Variants in KIF1A observed in about 807,000 individuals in gnomAD.
The protein encoded by KIF1A is kinesin family member 1A, also known as kinesin-like protein KIF1A.
A neutral mutation model predicts 227.3 loss-of-function variants in KIF1A; 46 were observed. That is an observed-to-expected ratio of 0.20 (90% CI 0.16 to 0.26). The LOEUF (loss-of-function observed/expected upper bound fraction) is 0.26. Ranked by LOEUF, KIF1A falls within the 10% of genes least tolerant of loss-of-function variation. The pLI, the probability that KIF1A is intolerant of heterozygous loss-of-function variation, is 1.00. For missense variants in KIF1A, 1,683 were observed against 2,485.9 expected, an observed-to-expected ratio of 0.68 and a Z score of 6.87; for synonymous variants, 1,022 against 1,012.8, an observed-to-expected ratio of 1.01 and a Z score of -0.17.
intron 5 of KIF1A, 80 bp downstream of exon 5, chr2:240,787,171 C>T (rs956311993): frequency 1.7e-6 from 2 of 1,181,734 alleles, no homozygotes; most frequent in East Asian, 2.3e-5. Flanking sequence ...TGGGCACTCA[C>T]TTTGCATCAG....
intron 4 of KIF1A, 53 bp from the exon 5 acceptor site, chr2:240,787,369 T>C: frequency 6.6e-7 from 1 of 1,510,196 alleles, no homozygotes; most frequent in East Asian, 2.3e-5. Context: ...GCTCCCTGGA[T>C]CCCTGCCCCT....
At chr2:240,782,556 C>G (rs1170651927) in intron 10 of KIF1A, 34 bp downstream of exon 10, 3 of 1,550,066 alleles carry the variant, frequency 1.9e-6, no homozygotes, top group East Asian at 2.4e-5. Flanking sequence ...ACCAGCCTCC[C>G]GCACCTGCCC....
rs200809257 is a variant in KIF1A, at chr2:240,769,608, C to T, written c.1421+19G>A. Reference sequence around the variant, plus strand: ...TGGCTGCACCCCTCCCCCTGGGCCTCAGTTTCCCCGCTGCACACCTCTCCA... The same window carrying T: ...TGGCTGCACCCCTCCCCCTGGGCCTTAGTTTCCCCGCTGCACACCTCTCCA... On this transcript the variant is annotated intron_variant, in intron 16 of 48. Transcript: ENST00000498729. 893 of 1,607,838 alleles carry T rather than the reference C, an allele frequency of 5.6e-4. 2 individuals carry two copies. In the African/African-American group the frequency reaches 6.8e-3, roughly 12 times the overall value.
rs115965817 is a variant in KIF1A at position 240,727,794 on chromosome 2, C to T, written c.4008-854G>A. On this transcript the variant is annotated intron_variant, in intron 38 of 48. Coordinates refer to ENST00000498729, the MANE Select transcript of KIF1A (RefSeq NM_001244008.2). ...CCACGTTCCGCAAACACCTTGGGTG[C>T]CCTCTGCTCCGGAACAGGGTTTTCT... Among the ~76,000 whole-genome samples the T allele has an allele frequency of 8.9e-3, 1,359 of 152,326 alleles. 8 individuals carry two copies. The highest frequency in any genetic ancestry group is 0.016 in the Non-Finnish European group (1,056 of 68,024).
chr2:240,725,450 G>A lies in KIF1A; in HGVS notation c.4123-46C>T, dbSNP rs773878674. ...ACTCAGGCACAAGGACACCCCGAGT[G>A]CCCAGGTGCCCTTCCAGCCTTCTCC... On this transcript the variant is annotated intron_variant, in intron 39 of 48. Coordinates refer to ENST00000498729, the MANE Select transcript of KIF1A (RefSeq NM_001244008.2). The surrounding 1 kb of genome is among the most constrained non-coding windows in gnomAD (Gnocchi z 5.8). 6 of 1,599,050 alleles carry A rather than the reference G, an allele frequency of 3.8e-6. No homozygotes were observed. The Admixed American group carries it at 1.0e-4, about 27-fold the overall frequency.
rs2054951790 is a variant in KIF1A at position 240,786,795 on chromosome 2, T to TA, written c.430-283_430-282insT. On this transcript the variant is annotated intron_variant, in intron 5 of 48. Transcript: ENST00000498729. Reference sequence around the variant, plus strand: ...CCATCAGGACCCCTGAGTGAGGGGGTGGGGGCTGCCATCAGGACCCCTGAG... The same window carrying TA: ...CCATCAGGACCCCTGAGTGAGGGGGTAGGGGGCTGCCATCAGGACCCCTGAG... 1.4e-5 allele frequency among the ~76,000 whole-genome samples: 2 copies of TA among 141,284 alleles called. 1 individual carries two copies. Among genetic ancestry groups the TA allele is most frequent in the Non-Finnish European group, 3.1e-5 (2 of 64,660 alleles). The allele number at this position is 141,284 out of a possible 152,430, so 92.7% of individuals were successfully genotyped here.
intron 35 of KIF1A, 54 bp downstream of exon 35, chr2:240,741,215 C>A: frequency 7.9e-7 from 1 of 1,261,412 alleles, no homozygotes; most frequent in Non-Finnish European, 1.1e-6. Flanking sequence ...CGTCCCTCTC[C>A]GCGCACCCCC....
Position 240,792,836 on chromosome 2 carries a change from G to T in KIF1A, c.107-3524C>A, listed in dbSNP as rs2055886037. 6.6e-6 allele frequency among the ~76,000 whole-genome samples: 1 copy of T among 152,164 alleles called. No individual in the cohort carries two copies. Among genetic ancestry groups the T allele is most frequent in the African/African-American group, 2.4e-5 (1 of 41,440 alleles). On this transcript the variant is annotated intron_variant, in intron 2 of 48. Coordinates refer to ENST00000498729, the MANE Select transcript of KIF1A (RefSeq NM_001244008.2). The surrounding 1 kb of genome is among the most constrained non-coding windows in gnomAD (Gnocchi z 4.5). ...CTTTAAAGGAGGGGAAGGGACCCGA[G>T]CTCCCTGGGCCAGGCAAGGACACAG...
intron 14 of KIF1A, among the ~76,000 whole-genome samples, chr2:240,771,833 C>A (rs1307534957): frequency 6.6e-6 from 1 of 152,192 alleles, no homozygotes; most frequent in Non-Finnish European, 1.5e-5. Context: ...CCAGCCTAGG[C>A]CTCATGCATC....
At chr2:240,742,858 G>T (rs968325718) in intron 34 of KIF1A, 71 bp downstream of exon 34, 9 of 1,366,966 alleles carry the variant, frequency 6.6e-6, no homozygotes, top group Non-Finnish European at 8.2e-6. Flanking sequence ...CACTGCGGGG[G>T]CCCAGCCCAC....
chr2:240,745,687 G>C (rs2048512099), intron 31 of KIF1A, 51 bp downstream of exon 31: 1 of 1,583,062 alleles, frequency 6.3e-7, no homozygotes. Flanking sequence ...CGGGAGCCTT[G>C]GGCACAGAGT....
chr2:240,782,634 T>A, intron 9 of KIF1A, 27 bp from the exon 10 acceptor site: 1 of 1,550,812 alleles, frequency 6.4e-7, no homozygotes, highest in Non-Finnish European at 8.7e-7. Context: ...AGAGAGAGGC[T>A]GAGGCCCGGA....
At chr2:240,746,475 G>A (rs553523677) in intron 29 of KIF1A, among the ~76,000 whole-genome samples, 1 of 152,300 alleles carries the variant, frequency 6.6e-6, no homozygotes, top group East Asian at 1.9e-4. Flanking sequence ...AGTTCAGCCG[G>A]ACCCCCGCCT....
intron 46 of KIF1A, 57 bp downstream of exon 46, chr2:240,719,717 C>T (rs1329212231): frequency 6.9e-6 from 10 of 1,455,990 alleles, no homozygotes; most frequent in Non-Finnish European, 9.1e-6. Flanking sequence ...GGGTGGCCTG[C>T]CTGTCCCCTG....
chr2:240,755,692 A>G (rs1430512261), intron 27 of KIF1A, among the ~76,000 whole-genome samples: 2 of 152,152 alleles, frequency 1.3e-5, no homozygotes, highest in African/African-American at 4.8e-5. Flanking sequence ...AAAATCTCAA[A>G]TCCACAAAAG....
At chr2:240,781,711 G>A (rs1559524802) in intron 10 of KIF1A, 7 of 967,556 alleles carry the variant, frequency 7.2e-6, no homozygotes, top group Non-Finnish European at 6.1e-6. Context: ...GTCCTGTGCC[G>A]TTTCCCACAC....
chr2:240,733,012 G>T (rs535544444), intron 38 of KIF1A, among the ~76,000 whole-genome samples: 1 of 126,032 alleles, frequency 7.9e-6, no homozygotes, highest in African/African-American at 3.0e-5. Flanking sequence ...AGGGATGAGG[G>T]GGAATGAGGG....
intron 2 of KIF1A, among the ~76,000 whole-genome samples, chr2:240,794,069 C>G (rs2056080020): frequency 6.6e-6 from 1 of 152,166 alleles, no homozygotes; most frequent in African/African-American, 2.4e-5. Context: ...CATGCCCTGT[C>G]TGCAGTGTCC....
At chr2:240,756,437 G>T (rs2049856984) in intron 27 of KIF1A, among the ~76,000 whole-genome samples, 2 of 152,220 alleles carry the variant, frequency 1.3e-5, no homozygotes, top group Admixed American at 1.3e-4. Flanking sequence ...TGCCAAATCT[G>T]CCAGCAGGGT....
Sources: allele counts gnomAD v4.1 joint callset (sites outside exome capture counted in the v4.1 genomes callset), GRCh38; gene constraint gnomAD v4.1.1; non-coding constraint Gnocchi (gnomAD v3.1); transcripts MANE v1.5; gene names NCBI Gene and HGNC (gene_info 2026-07-23, HGNC 2026-07-21).